Variants in ZNRF1 observed in about 807,000 individuals in gnomAD.
ZNRF1 encodes E3 ubiquitin-protein ligase ZNRF1.
A neutral mutation model predicts 18.4 loss-of-function variants in ZNRF1; 3 were observed. The ratio of observed to expected loss-of-function variants is 0.16; its 90% confidence interval spans 0.07 to 0.42. ZNRF1 has a LOEUF of 0.42. Among genes scored for constraint, ZNRF1 ranks in the 10% least tolerant of loss-of-function variants. The probability of loss-of-function intolerance (pLI) is 0.99; values close to 1 mark genes in which losing one functional copy is unlikely to be tolerated. For missense variants in ZNRF1, 310 were observed against 329.8 expected (o/e 0.94, Z 0.47); for synonymous variants, 157 against 144.2 (o/e 1.09, Z -0.64).
chr16:75,081,395 A>C (rs1216254290), intron 1 of ZNRF1, among the ~76,000 whole-genome samples: 1 of 152,222 alleles, frequency 6.6e-6, no homozygotes, highest in East Asian at 1.9e-4. Context: ...TAGACAGCCC[A>C]CAAATCCCTT....
intron 1 of ZNRF1, among the ~76,000 whole-genome samples, chr16:75,053,756 C>G (rs2035635227): frequency 6.6e-6 from 1 of 152,108 alleles, no homozygotes; most frequent in Non-Finnish European, 1.5e-5. Flanking sequence ...TCCTCACAAG[C>G]TCAGAAAATG....
rs78627800 is a variant in ZNRF1 at position 75,063,148 on chromosome 16, A to G, written c.425-30424A>G. The stretch of plus-strand genomic sequence containing the variant: ...TTTTTGCAGAGTCATGCGAGTGGTT[A>G]GGGACAGGCCTGGATGAGAACGTAC... On this transcript the variant is annotated intron_variant, in intron 1 of 4. Coordinates refer to ENST00000335325, the MANE Select transcript of ZNRF1 (RefSeq NM_032268.5). Among the ~76,000 whole-genome samples the G allele has an allele frequency of 1.1e-3, 170 of 152,360 alleles. 1 individual carries two copies. In the East Asian group the frequency reaches 0.024, roughly 21 times the overall value.
chr16:75,028,571 A>G (rs768050846), intron 1 of ZNRF1, among the ~76,000 whole-genome samples: 2 of 152,264 alleles, frequency 1.3e-5, no homozygotes, highest in African/African-American at 2.4e-5. Context: ...CTGGGATTAT[A>G]GGCGTGAGCC....
chr16:75,045,726 T>G (rs1012897468), intron 1 of ZNRF1, among the ~76,000 whole-genome samples: 11 of 150,998 alleles, frequency 7.3e-5, no homozygotes, highest in Non-Finnish European at 1.5e-4. Context: ...CTTTTTTTTT[T>G]TTTTTTTTTC....
In ZNRF1 at chr16:75,000,107, G is replaced by A. The variant is rs1256255374; in HGVS notation, c.424+12G>A. 3.8e-6 allele frequency: 6 copies of A among 1,594,426 alleles called. No homozygotes were observed. Among genetic ancestry groups the A allele is most frequent in the Non-Finnish European group, 5.1e-6 (6 of 1,172,044 alleles). On this transcript the variant is annotated intron_variant, in intron 1 of 4. Transcript: ENST00000335325. The stretch of plus-strand genomic sequence containing the variant: ...CAGCTCGCATAGTGGTGAGTCCGCG[G>A]GTGGTGGAGGCCTCGGAGGGAGGGC...
intron 1 of ZNRF1, among the ~76,000 whole-genome samples, chr16:75,059,491 A>G (rs1020152239): frequency 1.3e-5 from 2 of 152,058 alleles, no homozygotes; most frequent in South Asian, 2.1e-4. Context: ...AAAGAACAGC[A>G]TAATGAATTC....
chr16:75,054,697 C>T (rs1452510910), intron 1 of ZNRF1, among the ~76,000 whole-genome samples: 1 of 152,234 alleles, frequency 6.6e-6, no homozygotes, highest in Non-Finnish European at 1.5e-5. Context: ...TTTTCTCAAG[C>T]TAAGTTCTGT....
At chr16:75,007,376 C>G (rs965959201) in intron 1 of ZNRF1, among the ~76,000 whole-genome samples, 4 of 152,168 alleles carry the variant, frequency 2.6e-5, no homozygotes, top group Admixed American at 1.3e-4. Context: ...CCTAAAGCAG[C>G]AGCTGAAATA....
intron 1 of ZNRF1, among the ~76,000 whole-genome samples, chr16:75,026,156 C>T (rs570478533): frequency 2.0e-5 from 3 of 152,078 alleles, no homozygotes; most frequent in Non-Finnish European, 2.9e-5. Flanking sequence ...AATCAAATGA[C>T]CAATAACTAA....
chr16:75,069,544 G>A (rs2035845445), intron 1 of ZNRF1, among the ~76,000 whole-genome samples: 1 of 152,194 alleles, frequency 6.6e-6, no homozygotes, highest in Admixed American at 6.5e-5. Context: ...CTCTCGAGTA[G>A]CTGGAACTAC....
At chr16:75,021,345 T>C (rs1390022054) in intron 1 of ZNRF1, among the ~76,000 whole-genome samples, 1 of 152,210 alleles carries the variant, frequency 6.6e-6, no homozygotes, top group Non-Finnish European at 1.5e-5. Context: ...GCCTTCCCCT[T>C]TGCTTTTATA....
At chr16:75,027,385 C>G (rs559100955) in intron 1 of ZNRF1, among the ~76,000 whole-genome samples, 3 of 152,242 alleles carry the variant, frequency 2.0e-5, no homozygotes, top group African/African-American at 7.2e-5. Flanking sequence ...CCTTTTTAGC[C>G]CTATAGCTGG....
intron 1 of ZNRF1, among the ~76,000 whole-genome samples, chr16:75,055,886 A>T (rs1242924281): frequency 1.3e-5 from 2 of 152,214 alleles, no homozygotes; most frequent in Non-Finnish European, 2.9e-5. Context: ...AAGGACCAAG[A>T]GGGTCTTCTA....
intron 1 of ZNRF1, among the ~76,000 whole-genome samples, chr16:75,050,005 C>G (rs1454217515): frequency 6.6e-6 from 1 of 152,118 alleles, no homozygotes; most frequent in South Asian, 2.1e-4. Flanking sequence ...CTCCCCATCC[C>G]TAATACCAGT....
chr16:75,019,701 G>T (rs555855826), intron 1 of ZNRF1, among the ~76,000 whole-genome samples: 1 of 151,916 alleles, frequency 6.6e-6, no homozygotes, highest in African/African-American at 2.4e-5. Context: ...ACCAACTTTT[G>T]ATTTTTGTTT....
chr16:75,006,338 G>T (rs1414310896), intron 1 of ZNRF1, among the ~76,000 whole-genome samples: 2 of 152,186 alleles, frequency 1.3e-5, no homozygotes, highest in African/African-American at 2.4e-5. Context: ...TCATCCTTAG[G>T]TAGGGGTGTT....
At chr16:75,102,157 G>T (rs2036261479) in intron 2 of ZNRF1, among the ~76,000 whole-genome samples, 1 of 152,168 alleles carries the variant, frequency 6.6e-6, no homozygotes, top group South Asian at 2.1e-4. Context: ...AGGAGCGGAA[G>T]CCATAGCCTT....
rs57122648 is a variant in ZNRF1 at position 75,040,042 on chromosome 16, C to CTTTTTTTTTTTT, written c.424+39962_424+39973dup. Among the ~76,000 whole-genome samples, 110 of 78,854 alleles carry CTTTTTTTTTTTT rather than the reference C, an allele frequency of 1.4e-3. 1 individual carries two copies. The highest frequency in any genetic ancestry group is 3.5e-3 in the African/African-American group (63 of 18,134). The allele number at this position is 78,854 out of a possible 152,430, so 51.7% of individuals were successfully genotyped here. On this transcript the variant is annotated intron_variant, in intron 1 of 4. Transcript: ENST00000335325. ...AATCTTTTGTTTCTTTCTTTTCTTTCTTTTTTTTTTTTTTTTTTTTTTTTT... is the reference window on the plus strand; with the variant it reads ...AATCTTTTGTTTCTTTCTTTTCTTTCTTTTTTTTTTTTTTTTTTTTTTTTTTTTTTTTTTTTT...
chr16:75,000,318 C>G, intron 1 of ZNRF1: 1 of 724,896 alleles, frequency 1.4e-6, no homozygotes, highest in Non-Finnish European at 2.4e-6. Context: ...CGTGTGTTCA[C>G]TTGTGGAAGG....
Sources: gnomAD v4.1 joint callset for allele counts (sites outside exome capture counted in the v4.1 genomes callset) on GRCh38, gnomAD v4.1.1 for gene constraint, MANE v1.5 for transcripts, NCBI Gene and HGNC (gene_info 2026-07-23, HGNC 2026-07-21) for gene names.